The following ROR1 variants were observed in gnomAD, a reference collection of about 807,000 sequenced individuals.
ROR1 encodes the protein ROR family WNT receptor 1, also known as inactive tyrosine-protein kinase transmembrane receptor ROR1.
In ROR1, 19 loss-of-function variants were observed where a neutral mutation model predicts 78.8. The ratio of observed to expected loss-of-function variants is 0.24; its 90% CI spans 0.17 to 0.35. The LOEUF (loss-of-function observed/expected upper bound fraction) is 0.35, where lower values mean the gene tolerates loss of function less well. ROR1 is among the 10% of genes least tolerant of loss of function. The pLI is 1.00. For missense variants in ROR1, 917 were observed against 1,177.8 expected (o/e 0.78, Z 3.24); for synonymous variants, 386 against 433.6 (o/e 0.89, Z 1.36).
intron 8 of ROR1, among the ~76,000 whole-genome samples, chr1:64,174,098 C>G (rs1407316319): frequency 6.6e-6 from 1 of 152,112 alleles, no homozygotes; most frequent in Non-Finnish European, 1.5e-5. Flanking sequence ...ACTTTACTTC[C>G]TGGATGACTT....
chr1:63,923,780 C>G (rs529051312), intron 1 of ROR1, among the ~76,000 whole-genome samples: 5 of 151,912 alleles, frequency 3.3e-5, no homozygotes, highest in African/African-American at 9.6e-5. Flanking sequence ...ATCTGTACCC[C>G]TTACCCTGCA....
At chr1:64,147,164 T>C (rs1051844430) in intron 7 of ROR1, among the ~76,000 whole-genome samples, 2 of 152,218 alleles carry the variant, frequency 1.3e-5, no homozygotes, top group Non-Finnish European at 1.5e-5. Context: ...AACTCTATCA[T>C]AGTATTACTC....
chr1:63,913,219 A>T (rs1160523439), intron 1 of ROR1, among the ~76,000 whole-genome samples: 1 of 152,162 alleles, frequency 6.6e-6, no homozygotes, highest in Admixed American at 6.5e-5. Context: ...CAAAATATGG[A>T]TATATTAATG....
intron 4 of ROR1, among the ~76,000 whole-genome samples, chr1:64,062,463 C>A (rs1222847684): frequency 2.0e-5 from 3 of 151,938 alleles, no homozygotes; most frequent in Non-Finnish European, 2.9e-5. Flanking sequence ...AGGCGCCCGC[C>A]ACCATGCCTG....
chr1:64,056,204 C>T (rs1646872899), intron 4 of ROR1, among the ~76,000 whole-genome samples: 1 of 151,952 alleles, frequency 6.6e-6, no homozygotes, highest in Admixed American at 6.6e-5. Context: ...AATAGAATTC[C>T]TGGGTTATAT....
chr1:63,851,879 C>T (rs1480968877), intron 1 of ROR1, among the ~76,000 whole-genome samples: 1 of 152,194 alleles, frequency 6.6e-6, no homozygotes, highest in African/African-American at 2.4e-5. Flanking sequence ...GGTTTTGCTG[C>T]TGGAAAGATC....
At position 64,180,710 on chromosome 1, in the gene ROR1, A is replaced by G. The variant is rs1310397182; in HGVS notation, c.*1855A>G. The G allele has an allele frequency of 6.6e-6, 1 of 152,158 alleles. No homozygotes were observed. The highest frequency in any genetic ancestry group is 2.4e-5 in the African/African-American group (1 of 41,450). 9.4% of individuals were successfully genotyped at this position (152,158 alleles called of 1,614,324 possible). Reference sequence around the variant, plus strand: ...TTTAATGATGAAGCTTCAAACCACAATTTTGTATATCATATGACAATCAAT... The same window carrying G: ...TTTAATGATGAAGCTTCAAACCACAGTTTTGTATATCATATGACAATCAAT... On this transcript the variant is annotated 3_prime_UTR_variant, in exon 9 of 9. Transcript: ENST00000371079.
chr1:64,072,961 T>C (rs1484376294), intron 4 of ROR1, among the ~76,000 whole-genome samples: 1 of 152,074 alleles, frequency 6.6e-6, no homozygotes, highest in Non-Finnish European at 1.5e-5. Context: ...ACTAGAGTAG[T>C]TGTGATGAAA....
intron 1 of ROR1, among the ~76,000 whole-genome samples, chr1:63,932,492 T>A (rs1645761602): frequency 6.6e-6 from 1 of 151,946 alleles, no homozygotes; most frequent in Non-Finnish European, 1.5e-5. Flanking sequence ...CCAATGAGAG[T>A]CATCATCATG....
chr1:64,140,430 AG>A lies in ROR1; in HGVS notation c.928+5del. On this transcript the variant is annotated splice_donor_5th_base_variant and intron_variant, in intron 6 of 8. Coordinates refer to ENST00000371079, the MANE Select transcript of ROR1 (RefSeq NM_005012.4). ...ATGGCAGATCCTATAAATAAAAGTA[AG>A]TGGTAGCCCCTGACCTTCTGTGCTC... The A allele has an allele frequency of 6.2e-7, 1 of 1,611,948 alleles. No homozygotes were observed. The highest frequency in any genetic ancestry group is 8.5e-7 in the Non-Finnish European group (1 of 1,178,314).
intron 1 of ROR1, among the ~76,000 whole-genome samples, chr1:63,830,967 G>C (rs1166730737): frequency 6.6e-6 from 1 of 152,162 alleles, no homozygotes; most frequent in Non-Finnish European, 1.5e-5. Flanking sequence ...AGTCCAAAAC[G>C]CAGCAGGGCA....
chr1:64,123,314 T>C (rs540990427), intron 4 of ROR1, among the ~76,000 whole-genome samples: 1 of 152,360 alleles, frequency 6.6e-6, no homozygotes, highest in Non-Finnish European at 1.5e-5. Flanking sequence ...TGTTATACTA[T>C]TGTAAGTTCC....
intron 1 of ROR1, among the ~76,000 whole-genome samples, chr1:63,924,580 C>T (rs1227296948): frequency 6.6e-6 from 1 of 152,132 alleles, no homozygotes; most frequent in East Asian, 1.9e-4. Context: ...CTTTCATTCA[C>T]TCGTTCAGTT....
intron 1 of ROR1, among the ~76,000 whole-genome samples, chr1:63,940,959 C>A (rs1378996172): frequency 6.6e-6 from 1 of 152,126 alleles, no homozygotes; most frequent in African/African-American, 2.4e-5. Flanking sequence ...ACTGCGTAAC[C>A]CGAATTTAAT....
intron 1 of ROR1, among the ~76,000 whole-genome samples, chr1:63,865,576 A>T (rs1645210192): frequency 1.3e-5 from 2 of 152,160 alleles, no homozygotes; most frequent in South Asian, 4.1e-4. Context: ...CAAGGGGAAA[A>T]CAATAATTAC....
chr1:63,905,329 T>C (rs1219026524), intron 1 of ROR1, among the ~76,000 whole-genome samples: 1 of 152,256 alleles, frequency 6.6e-6, no homozygotes, highest in African/African-American at 2.4e-5. Flanking sequence ...TTTAAAATTA[T>C]GCTTTTTAGC....
chr1:64,062,077 C>T (rs956400326), intron 4 of ROR1, among the ~76,000 whole-genome samples: 1 of 152,176 alleles, frequency 6.6e-6, no homozygotes, highest in Non-Finnish European at 1.5e-5. Context: ...TGATATTGTG[C>T]GCTCCTGGGT....
intron 1 of ROR1, among the ~76,000 whole-genome samples, chr1:63,864,361 T>C (rs1027353172): frequency 3.3e-5 from 5 of 152,202 alleles, no homozygotes; most frequent in African/African-American, 1.2e-4. Flanking sequence ...TTGTATCAGC[T>C]TACTTGTGGC....
chr1:64,134,581 G>A (rs1382082940), intron 4 of ROR1, among the ~76,000 whole-genome samples: 1 of 152,032 alleles, frequency 6.6e-6, no homozygotes, highest in Non-Finnish European at 1.5e-5. Flanking sequence ...CTTAATACAT[G>A]TTTGGTTTTT....
Sources: gnomAD v4.1 joint callset for allele counts (sites outside exome capture counted in the v4.1 genomes callset) on GRCh38, gnomAD v4.1.1 for gene constraint, MANE v1.5 for transcripts, NCBI Gene and HGNC (gene_info 2026-07-23, HGNC 2026-07-21) for gene names.